Variants in ZBTB25 observed in about 807,000 individuals in gnomAD.
The protein encoded by ZBTB25 is zinc finger and BTB domain containing 25.
Under a neutral mutation model 34.2 loss-of-function variants are expected in ZBTB25, and 20 were observed. The observed-to-expected ratio is 0.58, with a 90% CI of 0.41 to 0.85. ZBTB25 has a LOEUF of 0.85. ZBTB25 is among the 40% of genes least tolerant of loss of function. The pLI is 0.00. For synonymous variants in ZBTB25, 175 were observed against 186.4 expected (o/e 0.94, Z 0.50); for missense variants, 437 against 521.8 (o/e 0.84, Z 1.58).
chr14:64,500,834 T>C (rs370428183), intron 1 of ZBTB25, among the ~76,000 whole-genome samples: 17 of 152,204 alleles, frequency 1.1e-4, no homozygotes, highest in African/African-American at 4.1e-4. Flanking sequence ...GCGGATCACT[T>C]GAGGTCAGGA....
At chr14:64,497,146 T>G (rs2079306034) in intron 1 of ZBTB25, among the ~76,000 whole-genome samples, 1 of 149,460 alleles carries the variant, frequency 6.7e-6, no homozygotes, top group East Asian at 1.9e-4. Flanking sequence ...GTGTATAAAA[T>G]GAAACAAATT....
At chr14:64,494,599 A>T (rs2079203424) in intron 1 of ZBTB25, among the ~76,000 whole-genome samples, 1 of 152,238 alleles carries the variant, frequency 6.6e-6, no homozygotes, top group African/African-American at 2.4e-5. Context: ...ACTGCACTCC[A>T]GCCTGGGCAA....
Position 64,453,778 on chromosome 14 carries a change from A to G in ZBTB25, c.174-4140T>C, listed in dbSNP as rs758271489. The G allele has an allele frequency of 4.3e-6, 7 of 1,611,146 alleles. No homozygotes were observed. The Admixed American group carries it at 1.2e-4, about 27-fold the overall frequency. ...GCTCCCAGTTGAGGATAAAATCAGG[A>G]TCATTGCACAGAAGATCTATGGAGC... On this transcript the variant is annotated intron_variant, in intron 2 of 2. Coordinates refer to the ZBTB25 transcript ENST00000555220.
intron 2 of ZBTB25, chr14:64,454,838 GCGTTGGGGCTGGTTTTCTGTA>G: frequency 6.2e-7 from 1 of 1,614,254 alleles, no homozygotes; most frequent in Non-Finnish European, 8.5e-7. Flanking sequence ...ATCCGCGCCA[GCGTTGGGGCTGGTTTTCTGTA>G]CCCCTTAGTA....
At position 64,487,029 on chromosome 14, in the gene ZBTB25, T is replaced by A; in HGVS notation, c.1202A>T (p.Asp401Val). Residue 401 changes from aspartate to valine, a missense_variant, in exon 3 of 3, where the codon GAT (aspartate) becomes GTT (valine). Physicochemically the swap from Asp to Val is radical, Grantham distance 152. Coordinates refer to ENST00000608382, the MANE Select transcript of ZBTB25 (RefSeq NM_006977.5). The stretch of plus-strand genomic sequence containing the variant: ...CAAGCGAGAACTTTTCAGGGAGACA[T>A]CAGACCAGCTGTCACAGTATGGCTG... ...RFQPYCDSWSDVSLKSSRLSQ... is the reference protein window; with the variant it reads ...RFQPYCDSWSVVSLKSSRLSQ... The A allele has an allele frequency of 6.2e-7, 1 of 1,614,186 alleles. No individual in the cohort carries two copies. The highest frequency in any genetic ancestry group is 8.5e-7 in the Non-Finnish European group (1 of 1,180,038).
intron 1 of ZBTB25, among the ~76,000 whole-genome samples, chr14:64,498,688 C>T (rs1053090104): frequency 2.2e-4 from 34 of 151,980 alleles, no homozygotes; most frequent in Non-Finnish European, 3.8e-4. Flanking sequence ...GGCTGGAGTG[C>T]AGTGGCACGA....
At chr14:64,451,942 T>C (rs1320887997) in intron 2 of ZBTB25, among the ~76,000 whole-genome samples, 3 of 152,236 alleles carry the variant, frequency 2.0e-5, no homozygotes, top group African/African-American at 7.2e-5. Context: ...CCTTCATAAA[T>C]TATCATTGTT....
chr14:64,465,023 T>C (rs181606249), intron 2 of ZBTB25, among the ~76,000 whole-genome samples: 1 of 152,354 alleles, frequency 6.6e-6, no homozygotes, highest in East Asian at 1.9e-4. Flanking sequence ...ATATGTAATT[T>C]TCGCTTCAAA....
At chr14:64,456,787 A>G (rs766663919) in intron 2 of ZBTB25, among the ~76,000 whole-genome samples, 4 of 152,228 alleles carry the variant, frequency 2.6e-5, no homozygotes, top group Admixed American at 6.5e-5. Context: ...ATTGGTACTC[A>G]GAAGTCAGTC....
Position 64,480,344 on chromosome 14 carries a change from A to AG in ZBTB25, c.*6578_*6579insC, listed in dbSNP as rs776404397. On this transcript the variant is annotated 3_prime_UTR_variant, in exon 3 of 3. Transcript: ENST00000608382. ...TCTCAAAAAAAAAAAAAAAAAAAAA[A>AG]AAGAAGAAGCAAAGCAAGAAACTTC... The AG allele has an allele frequency of 2.3e-5, 9 of 392,404 alleles. No homozygotes were observed. Among genetic ancestry groups the AG allele is most frequent in the South Asian group, 9.4e-5 (5 of 53,136 alleles). 24.3% of individuals were successfully genotyped at this position (392,404 alleles called of 1,614,324 possible). A position where few individuals can be genotyped will look rare whatever the true frequency, so the allele number is the denominator to read the frequency against.
At chr14:64,488,080 C>T (rs745515364) in intron 2 of ZBTB25, 23 bp from the exon 3 acceptor site, 1 of 1,599,636 alleles carries the variant, frequency 6.3e-7, no homozygotes, top group Non-Finnish European at 8.5e-7. Context: ...AAAACAGACC[C>T]ACAAGAAATG....
intron 2 of ZBTB25, chr14:64,454,792 G>C (rs770012584): frequency 1.2e-6 from 2 of 1,614,126 alleles, no homozygotes; most frequent in Non-Finnish European, 1.7e-6. Flanking sequence ...AGAGCAAAAA[G>C]GTGTCCCTAC....
At chr14:64,457,201 C>T (rs1394580603) in intron 2 of ZBTB25, among the ~76,000 whole-genome samples, 1 of 152,134 alleles carries the variant, frequency 6.6e-6, no homozygotes, top group Non-Finnish European at 1.5e-5. Context: ...GTTGCTGAAG[C>T]AAAAATCACA....
Position 64,469,176 on chromosome 14 carries a change from T to C in ZBTB25, c.174-19538A>G, listed in dbSNP as rs533452321. On this transcript the variant is annotated intron_variant, in intron 2 of 2. Coordinates refer to the ZBTB25 transcript ENST00000555220. Reference sequence around the variant, plus strand: ...TCAGAAACAGACCATCAGCAGCCAGTACTTTCTGATGTTCCTCCTTTACCT... The same window carrying C: ...TCAGAAACAGACCATCAGCAGCCAGCACTTTCTGATGTTCCTCCTTTACCT... 57 of 1,614,182 alleles carry C rather than the reference T, an allele frequency of 3.5e-5. No individual in the cohort carries two copies. In the South Asian group the frequency reaches 5.8e-4, roughly 16 times the overall value.
At chr14:64,457,433 A>T (rs1226249143) in intron 2 of ZBTB25, among the ~76,000 whole-genome samples, 1 of 151,450 alleles carries the variant, frequency 6.6e-6, no homozygotes, top group East Asian at 1.9e-4. Flanking sequence ...GCAGAAGGAC[A>T]TGAGGAATCA....
At chr14:64,476,978 T>C (rs1285215338), downstream of ZBTB25, among the ~76,000 whole-genome samples, 1 of 152,224 alleles carries the variant, frequency 6.6e-6, no homozygotes, top group Non-Finnish European at 1.5e-5. Context: ...AGGTATAATT[T>C]ACATACAGCA....
chr14:64,503,694 C>G lies in ZBTB25; in HGVS notation c.-41G>C, dbSNP rs552552152. On this transcript the variant is annotated 5_prime_UTR_variant, in exon 1 of 3. Coordinates refer to ENST00000608382, the MANE Select transcript of ZBTB25 (RefSeq NM_006977.5). ...CGCCGCGGCGGCAGGCCGACTCCTC[C>G]GTGCAGGAGGGGCGGGCTCCCAAGC... The G allele has an allele frequency of 6.2e-6, 5 of 812,716 alleles. No individual in the cohort carries two copies. In the East Asian group the frequency reaches 6.3e-4, roughly 102 times the overall value. The allele number at this position is 812,716 out of a possible 1,614,324, so 50.3% of individuals were successfully genotyped here.
chr14:64,473,850 T>G (rs1029828730), downstream of ZBTB25: 5 of 166,908 alleles, frequency 3.0e-5, no homozygotes, highest in Admixed American at 1.3e-4. Context: ...TTGGGTAACA[T>G]GAACTCTCTT....
Position 64,480,443 on chromosome 14 carries a change from C to T in ZBTB25, c.*6480G>A, listed in dbSNP as rs988888567. ...AGCATTTGATTAGGACGTCAATTTTCGATTAACACAGATTATGGTCGGTAA... is the reference window on the plus strand; with the variant it reads ...AGCATTTGATTAGGACGTCAATTTTTGATTAACACAGATTATGGTCGGTAA... On this transcript the variant is annotated 3_prime_UTR_variant, in exon 3 of 3. Coordinates refer to ENST00000608382, the MANE Select transcript of ZBTB25 (RefSeq NM_006977.5). The T allele has an allele frequency of 1.1e-5, 4 of 349,206 alleles. No individual in the cohort carries two copies. The highest frequency in any genetic ancestry group is 4.5e-5 in the South Asian group (2 of 44,364). The allele number at this position is 349,206 out of a possible 1,614,324, so 21.6% of individuals were successfully genotyped here. A position where few individuals can be genotyped will look rare whatever the true frequency, so the allele number is the denominator to read the frequency against.
Sources: allele counts gnomAD v4.1 joint callset (sites outside exome capture counted in the v4.1 genomes callset), GRCh38; gene constraint gnomAD v4.1.1; transcripts MANE v1.5; gene names NCBI Gene and HGNC (gene_info 2026-07-23, HGNC 2026-07-21).